TPO: variants seen among roughly 807,000 people sequenced by gnomAD.
The protein encoded by TPO is thyroid microsomal antigen.
In TPO, 78 loss-of-function variants were observed where a neutral mutation model predicts 96.9. The ratio of observed to expected loss-of-function variants is 0.81; its 90% confidence interval spans 0.67 to 0.97. The LOEUF is 0.97. Ranked by LOEUF, TPO falls within the 50% of genes least tolerant of loss-of-function variation. The pLI is 0.00. For missense variants in TPO, 1,252 were observed against 1,274.8 expected (o/e 0.98, Z 0.27); for synonymous variants, 547 against 538.0 (o/e 1.02, Z -0.23).
intron 15 of TPO, among the ~76,000 whole-genome samples, chr2:1,518,281 C>CT (rs1674920389): frequency 6.6e-6 from 1 of 152,206 alleles, no homozygotes; most frequent in Non-Finnish European, 1.5e-5. Context: ...AACAGGAAAT[C>CT]TTTTTCTTAC....
chr2:1,509,884 TGGGAAACCACACCCTCTTGTTTCA>T (rs1673911811), intron 14 of TPO, among the ~76,000 whole-genome samples: 1 of 144,510 alleles, frequency 6.9e-6, no homozygotes, highest in Non-Finnish European at 1.5e-5. Context: ...CTCTTGTTTC[TGGGAAACCACACCCTCTTGTTTCA>T]GGGACACCCC....
At chr2:1,385,887 G>A (rs1240693344) in intron 1 of TPO, among the ~76,000 whole-genome samples, 1 of 152,094 alleles carries the variant, frequency 6.6e-6, no homozygotes, top group Non-Finnish European at 1.5e-5. Flanking sequence ...CGCTTTAAAT[G>A]TGTCCCAGAG....
chr2:1,466,670 A>G (rs1392932464), intron 7 of TPO, among the ~76,000 whole-genome samples: 2 of 152,158 alleles, frequency 1.3e-5, no homozygotes, highest in Non-Finnish European at 2.9e-5. Context: ...GATGTGCATA[A>G]AGCTGTTCAT....
intron 14 of TPO, among the ~76,000 whole-genome samples, chr2:1,514,193 A>G (rs1414352944): frequency 6.6e-6 from 1 of 152,162 alleles, no homozygotes; most frequent in East Asian, 1.9e-4. Context: ...GGAAAAGAGA[A>G]GTGAAGCCCT....
rs577514561 is a variant in TPO at position 1,542,817 on chromosome 2, A to T, written c.*343A>T. ...CATCTCTGATGCCGTGCTCGTCTGC[A>T]CTCTGCCCCGGCGGTCCCTCCAGCA... On this transcript the variant is annotated 3_prime_UTR_variant, in exon 17 of 17. Transcript: ENST00000329066. 3 of 485,680 alleles carry T rather than the reference A, an allele frequency of 6.2e-6. No individual in the cohort carries two copies. Among genetic ancestry groups the T allele is most frequent in the East Asian group, 9.6e-5 (2 of 20,796 alleles). The allele number at this position is 485,680 out of a possible 1,614,324, so 30.1% of individuals were successfully genotyped here.
At chr2:1,422,973 G>A in intron 2 of TPO, 72 bp from the exon 3 acceptor site, 1 of 1,538,150 alleles carries the variant, frequency 6.5e-7, no homozygotes, top group Non-Finnish European at 9.0e-7. Context: ...TGGGCTTGAG[G>A]AACAAAGCAA....
At chr2:1,379,112 C>A (rs1352362952) in intron 1 of TPO, among the ~76,000 whole-genome samples, 4 of 152,156 alleles carry the variant, frequency 2.6e-5, no homozygotes, top group Non-Finnish European at 2.9e-5. Flanking sequence ...CAAGATCAGC[C>A]TGGCCAACAT....
At chr2:1,413,702 G>T (rs547314966) in intron 1 of TPO, 157 bp downstream of exon 1, 1 of 985,352 alleles carries the variant, frequency 1.0e-6, no homozygotes, top group Admixed American at 6.1e-5. Flanking sequence ...AGTGCTGTTT[G>T]CAATGACCTC....
intron 5 of TPO, among the ~76,000 whole-genome samples, chr2:1,437,485 G>A (rs2148506367): frequency 6.6e-6 from 1 of 152,228 alleles, no homozygotes; most frequent in East Asian, 1.9e-4. Context: ...CCCAGGCAGA[G>A]CCCTGGCTTG....
intron 1 of TPO, among the ~76,000 whole-genome samples, chr2:1,376,364 A>G (rs536549336): frequency 9.2e-5 from 14 of 152,214 alleles, no homozygotes; most frequent in Non-Finnish European, 1.6e-4. Context: ...GGTTCCTAAA[A>G]GTTTCTTTGA....
intron 13 of TPO, 107 bp downstream of exon 13, chr2:1,496,872 T>G: frequency 6.5e-7 from 1 of 1,530,832 alleles, no homozygotes; most frequent in Non-Finnish European, 8.9e-7. Context: ...CTTCTGAAAC[T>G]GTTATCTTCC....
chr2:1,434,260 CT>C (rs1665330936), intron 4 of TPO, among the ~76,000 whole-genome samples: 1 of 152,174 alleles, frequency 6.6e-6, no homozygotes, highest in South Asian at 2.1e-4. Context: ...AGCGAAATGT[CT>C]TTTTAATTAA....
chr2:1,539,621 C>A (rs1234704539), intron 15 of TPO, among the ~76,000 whole-genome samples: 1 of 152,098 alleles, frequency 6.6e-6, no homozygotes, highest in Non-Finnish European at 1.5e-5. Context: ...AATGGCTATG[C>A]GGAGGGCGCT....
rs28909407 is a variant in TPO, at chr2:1,453,551, C to T, written c.483-143C>T. 3,371 of 1,324,290 alleles carry T rather than the reference C, an allele frequency of 2.5e-3. 47 individuals are homozygous for T. The African/African-American group carries it at 0.041, about 16-fold the overall frequency. 82.0% of individuals were successfully genotyped at this position (1,324,290 alleles called of 1,614,324 possible). ...TGACCTGGGCCTCCAGGAGGCCTTTCGGGTCTTCTGGGGAGCTGTGCCCCT... is the reference window on the plus strand; with the variant it reads ...TGACCTGGGCCTCCAGGAGGCCTTTTGGGTCTTCTGGGGAGCTGTGCCCCT... On this transcript the variant is annotated intron_variant, in intron 5 of 16. Transcript: ENST00000329066.
At chr2:1,454,225 G>A (rs997166171) in intron 6 of TPO, among the ~76,000 whole-genome samples, 1 of 152,168 alleles carries the variant, frequency 6.6e-6, no homozygotes, top group Non-Finnish European at 1.5e-5. Context: ...TTATTTGCTG[G>A]ACACTCATAG....
chr2:1,454,880 C>T (rs1404481309), intron 6 of TPO, among the ~76,000 whole-genome samples: 2 of 152,220 alleles, frequency 1.3e-5, no homozygotes, highest in Non-Finnish European at 2.9e-5. Context: ...TTCTACCCAG[C>T]TGTGACAAAT....
At chr2:1,471,442 C>CT (rs941508473) in intron 7 of TPO, among the ~76,000 whole-genome samples, 1 of 149,278 alleles carries the variant, frequency 6.7e-6, no homozygotes, top group Non-Finnish European at 1.5e-5. Context: ...TTCCTGTGAC[C>CT]CCCCCCCACA....
At chr2:1,400,596 T>C (rs1214744185) in intron 1 of TPO, among the ~76,000 whole-genome samples, 1 of 134,580 alleles carries the variant, frequency 7.4e-6, no homozygotes, top group East Asian at 2.2e-4. Context: ...AAAGAAATAT[T>C]TGTGACTTTA....
chr2:1,526,983 ACACTGTGTGCAACCTCCTCAAATCCCCCC>A (rs1322102790), intron 15 of TPO, among the ~76,000 whole-genome samples: 772 of 70,506 alleles, frequency 0.011, 15 homozygotes, highest in African/African-American at 0.046. Context: ...TCAAATCCCC[ACACTGTGTGCAACCTCCTCAAATCCCCCC>A]CACTGTGTGC....
Sources: allele counts gnomAD v4.1 joint callset (sites outside exome capture counted in the v4.1 genomes callset), GRCh38; gene constraint gnomAD v4.1.1; transcripts MANE v1.5; gene names NCBI Gene and HGNC (gene_info 2026-07-23, HGNC 2026-07-21).